The following MAP4 variants were observed in gnomAD, a reference collection of about 807,000 sequenced individuals.
MAP4 encodes the protein microtubule-associated protein 4.
Under a neutral mutation model 170.2 loss-of-function variants are expected in MAP4, and 76 were observed. The ratio of observed to expected loss-of-function variants is 0.45; its 90% confidence interval spans 0.37 to 0.54. MAP4 has a LOEUF of 0.54. MAP4 is among the 20% of genes least tolerant of loss of function. MAP4 has a pLI of 0.00. For missense variants in MAP4, 2,506 were observed against 2,748.0 expected (o/e 0.91, Z 1.97); for synonymous variants, 909 against 994.5 (o/e 0.91, Z 1.62).
At chr3:48,056,847 G>A (rs2100132173) in intron 1 of MAP4, among the ~76,000 whole-genome samples, 2 of 122,230 alleles carry the variant, frequency 1.6e-5, no homozygotes, top group Non-Finnish European at 3.5e-5. Flanking sequence ...AGGTGGGGGG[G>A]GGGTCAGCCC....
chr3:48,043,592 A>G (rs1396422028), intron 1 of MAP4, among the ~76,000 whole-genome samples: 1 of 152,248 alleles, frequency 6.6e-6, no homozygotes, highest in Non-Finnish European at 1.5e-5. Flanking sequence ...ATTTTCAGTC[A>G]GTCCAAGTTT....
chr3:47,918,597 C>G (rs1559461821), intron 6 of MAP4, 122 bp downstream of exon 6: 2 of 714,522 alleles, frequency 2.8e-6, no homozygotes, highest in Non-Finnish European at 2.4e-6. Flanking sequence ...ATAAGCAAAA[C>G]ATTTGTGATT....
rs142631834 is a variant in MAP4, at chr3:47,857,334, C to G, written c.6583+97G>C. ...TAGTCTTCATGGGATGCTAAAGGCA[C>G]AGAGATGAAACCCTTGCCAGCCAGC... On this transcript the variant is annotated intron_variant, in intron 18 of 20. Transcript: ENST00000683076. 18 of 930,212 alleles carry G rather than the reference C, an allele frequency of 1.9e-5. No homozygotes were observed. In the African/African-American group the frequency reaches 2.4e-4, roughly 13 times the overall value. 57.6% of individuals were successfully genotyped at this position (930,212 alleles called of 1,614,324 possible).
intron 2 of MAP4, among the ~76,000 whole-genome samples, chr3:47,997,325 C>CAAAAAAAAAA (rs1559754149): frequency 2.5e-5 from 1 of 40,708 alleles, no homozygotes; most frequent in African/African-American, 2.2e-4. Flanking sequence ...ATTTAAACTG[C>CAAAAAAAAAA]TAAAAAAAAA....
At chr3:48,064,867 A>G (rs1482220974) in intron 1 of MAP4, among the ~76,000 whole-genome samples, 1 of 152,182 alleles carries the variant, frequency 6.6e-6, no homozygotes. Flanking sequence ...GTATCTAAAC[A>G]TATCTAAAAA....
chr3:47,883,123 TTAAG>T (rs1577026786), intron 10 of MAP4, among the ~76,000 whole-genome samples: 1 of 152,288 alleles, frequency 6.6e-6, no homozygotes, highest in East Asian at 1.9e-4. Flanking sequence ...AAAATATGTC[TTAAG>T]TGTTTCCTCT....
chr3:47,982,111 C>T (rs2100085732), intron 2 of MAP4, among the ~76,000 whole-genome samples: 1 of 152,086 alleles, frequency 6.6e-6, no homozygotes, highest in Non-Finnish European at 1.5e-5. Flanking sequence ...ACAGTAAAGC[C>T]CATCTCTACT....
Position 47,994,210 on chromosome 3 carries a change from A to C in MAP4, c.223+4428T>G, listed in dbSNP as rs536793188. 8.5e-5 allele frequency among the ~76,000 whole-genome samples: 13 copies of C among 152,322 alleles called. No individual in the cohort carries two copies. The Middle Eastern group carries it at 0.017, about 199-fold the overall frequency. On this transcript the variant is annotated intron_variant, in intron 2 of 20. Transcript: ENST00000683076. Reference sequence around the variant, plus strand: ...CACACCTATAATCCCAGCACAAAAGAAAAACAAATATTTACTCCAAAAAAT... The same window carrying C: ...CACACCTATAATCCCAGCACAAAAGCAAAACAAATATTTACTCCAAAAAAT...
chr3:47,946,747 T>C (rs919607616), intron 3 of MAP4, among the ~76,000 whole-genome samples: 1 of 151,906 alleles, frequency 6.6e-6, no homozygotes, highest in Non-Finnish European at 1.5e-5. Flanking sequence ...ATATCTATGA[T>C]GTGATATACA....
At chr3:48,062,693 C>T (rs951430517) in intron 1 of MAP4, among the ~76,000 whole-genome samples, 5 of 151,138 alleles carry the variant, frequency 3.3e-5, no homozygotes, top group Admixed American at 6.6e-5. Flanking sequence ...GAGGCTGAGG[C>T]GGGCAGATCA....
At chr3:47,908,171 A>G (rs977018813) in intron 9 of MAP4, among the ~76,000 whole-genome samples, 4 of 150,744 alleles carry the variant, frequency 2.7e-5, no homozygotes, top group African/African-American at 9.8e-5. Flanking sequence ...TGAAAGCTAG[A>G]TTCAGGGAAG....
intron 1 of MAP4, among the ~76,000 whole-genome samples, chr3:48,007,225 C>T (rs1329562686): frequency 2.0e-5 from 3 of 152,194 alleles, no homozygotes; most frequent in African/African-American, 7.2e-5. Context: ...GACTAAAATT[C>T]AGGGACCTTC....
At chr3:47,890,505 C>T (rs1001170413) in intron 10 of MAP4, among the ~76,000 whole-genome samples, 5 of 152,106 alleles carry the variant, frequency 3.3e-5, no homozygotes, top group African/African-American at 7.2e-5. Flanking sequence ...AAAGCAAAAA[C>T]AGAAAACAGA....
rs1559450584 is a variant in MAP4 at position 47,916,473 on chromosome 3, G to A, written c.1354C>T (p.Leu452=). 6.2e-7 allele frequency: 1 copy of A among 1,614,172 alleles called. No individual in the cohort carries two copies. Among genetic ancestry groups the A allele is most frequent in the South Asian group, 1.1e-5 (1 of 91,080 alleles). Residue 452 remains leucine (L), a synonymous_variant, in exon 7 of 21, where the codon CTG becomes TTG. Transcript: ENST00000683076. The part of the protein sequence containing the change: ...TEVALARDMT[L]PPETNVILTK... ...AAGATCACGTTGGTTTCCGGGGGCA[G>A]TGTCATGTCCCTGGCCAGGGCTACC...
intron 1 of MAP4, among the ~76,000 whole-genome samples, chr3:48,055,286 T>C (rs2154552439): frequency 6.6e-6 from 1 of 152,216 alleles, no homozygotes; most frequent in South Asian, 2.1e-4. Context: ...ACTGTACTGC[T>C]GCCATCTCGG....
intron 3 of MAP4, among the ~76,000 whole-genome samples, chr3:47,976,502 T>C (rs923115058): frequency 6.6e-6 from 1 of 152,272 alleles, no homozygotes; most frequent in Non-Finnish European, 1.5e-5. Flanking sequence ...AACTGGTTCC[T>C]GCTTAAAGAA....
intron 3 of MAP4, among the ~76,000 whole-genome samples, chr3:47,972,116 G>A (rs1349276016): frequency 2.0e-5 from 3 of 152,136 alleles, no homozygotes; most frequent in East Asian, 3.8e-4. Context: ...AGCTTAAAAA[G>A]TTCCTTATGC....
chr3:47,869,665 C>T (rs1018112681), intron 15 of MAP4, among the ~76,000 whole-genome samples: 7 of 152,158 alleles, frequency 4.6e-5, no homozygotes, highest in African/African-American at 1.4e-4. Context: ...AATTACAATA[C>T]CCCCCACCCC....
intron 1 of MAP4, among the ~76,000 whole-genome samples, chr3:48,021,698 T>C (rs1309870064): frequency 6.6e-6 from 1 of 152,196 alleles, no homozygotes; most frequent in Non-Finnish European, 1.5e-5. Context: ...TTTTTTCTTT[T>C]CAAATCAAAC....
Sources: gnomAD v4.1 joint callset for allele counts (sites outside exome capture counted in the v4.1 genomes callset) on GRCh38, gnomAD v4.1.1 for gene constraint, MANE v1.5 for transcripts, NCBI Gene and HGNC (gene_info 2026-07-23, HGNC 2026-07-21) for gene names.